The following CFAP61 variants were observed in gnomAD, a reference collection of about 807,000 sequenced individuals.
The protein encoded by CFAP61 is cilia and flagella associated protein 61, also known as cilia- and flagella-associated protein 61.
In CFAP61, 107 loss-of-function variants were observed where a neutral mutation model predicts 135.6. The ratio of observed to expected loss-of-function variants is 0.79; its 90% CI spans 0.67 to 0.93. The LOEUF is 0.93. CFAP61 is among the 40% of genes least tolerant of loss of function. The pLI is 0.00. For synonymous variants in CFAP61, 575 were observed against 578.5 expected (o/e 0.99, Z 0.09); for missense variants, 1,507 against 1,556.2 (o/e 0.97, Z 0.53).
chr20:20,211,396 A>AGTCT (rs1434890967), intron 17 of CFAP61, among the ~76,000 whole-genome samples: 3 of 152,246 alleles, frequency 2.0e-5, no homozygotes, highest in African/African-American at 7.2e-5. Flanking sequence ...CAAAACTTTT[A>AGTCT]GTCTGAATGT....
Position 20,071,059 on chromosome 20 carries a change from C to T in CFAP61, c.294+55C>T, listed in dbSNP as rs2045670444. ...ACACCCTGAATCTTGAGGGGAAGTC[C>T]TGTGTTTGTGATTATGTCTTTCCAA... On this transcript the variant is annotated intron_variant, in intron 3 of 26. Coordinates refer to ENST00000245957, the MANE Select transcript of CFAP61 (RefSeq NM_015585.4). 8 of 1,562,856 alleles carry T rather than the reference C, an allele frequency of 5.1e-6. No individual in the cohort carries two copies. The Admixed American group carries it at 8.6e-5, about 17-fold the overall frequency.
At chr20:20,096,068 G>T (rs1270294655) in intron 7 of CFAP61, among the ~76,000 whole-genome samples, 2 of 152,102 alleles carry the variant, frequency 1.3e-5, no homozygotes, top group Non-Finnish European at 2.9e-5. Context: ...GACACTTGTG[G>T]TGAAAAGTAC....
intron 8 of CFAP61, among the ~76,000 whole-genome samples, chr20:20,127,938 C>T (rs2050200313): frequency 6.6e-6 from 1 of 151,476 alleles, no homozygotes; most frequent in African/African-American, 2.4e-5. Context: ...ATGGCTGCCT[C>T]TGGTGAGTCA....
chr20:20,314,106 G>A (rs550599726), intron 25 of CFAP61, among the ~76,000 whole-genome samples: 15 of 151,764 alleles, frequency 9.9e-5, no homozygotes, highest in East Asian at 3.9e-4. Flanking sequence ...ACATGAGAGC[G>A]AGTGCAGTGG....
chr20:20,281,617 G>A (rs1238487117), intron 22 of CFAP61, among the ~76,000 whole-genome samples: 4 of 152,054 alleles, frequency 2.6e-5, no homozygotes, highest in Non-Finnish European at 4.4e-5. Context: ...GTCATAATGC[G>A]TTATCTTTCT....
intron 25 of CFAP61, among the ~76,000 whole-genome samples, chr20:20,328,975 C>T (rs146594432): frequency 6.6e-6 from 1 of 152,306 alleles, no homozygotes; most frequent in East Asian, 1.9e-4. Flanking sequence ...CCCTTGGGAC[C>T]TTACTCTTCC....
At chr20:20,166,781 A>G (rs539913653) in intron 12 of CFAP61, among the ~76,000 whole-genome samples, 1 of 152,284 alleles carries the variant, frequency 6.6e-6, no homozygotes, top group South Asian at 2.1e-4. Flanking sequence ...GTATTCTGAA[A>G]CCATCATATT....
chr20:20,132,185 G>A (rs1391446235), intron 8 of CFAP61, among the ~76,000 whole-genome samples: 2 of 151,896 alleles, frequency 1.3e-5, no homozygotes, highest in African/African-American at 4.8e-5. Context: ...TATTTGTTCT[G>A]TGCCTGGCTT....
At chr20:20,117,365 A>AAAATTAAATAAAT (rs1816531632) in intron 8 of CFAP61, among the ~76,000 whole-genome samples, 1 of 151,340 alleles carries the variant, frequency 6.6e-6, no homozygotes, top group East Asian at 2.0e-4. Context: ...TAATAAGTTA[A>AAAATTAAATAAAT]AAATAAATAA....
chr20:20,343,141 G>A (rs1345247260), intron 26 of CFAP61, among the ~76,000 whole-genome samples: 1 of 152,210 alleles, frequency 6.6e-6, no homozygotes, highest in Non-Finnish European at 1.5e-5. Context: ...ACAGGCGTGA[G>A]CCATCGCGCC....
Position 20,191,843 on chromosome 20 carries a change from C to A in CFAP61, c.1590+424C>A, listed in dbSNP as rs922088363. Among the ~76,000 whole-genome samples the A allele has an allele frequency of 1.3e-4, 20 of 151,990 alleles. No homozygotes were observed. The East Asian group carries it at 2.1e-3, about 16-fold the overall frequency. ...ATTTTATTTTTTCCCAGTGCACAGCCAGCTATTTCAAAGCATTTATTACTG... is the reference window on the plus strand; with the variant it reads ...ATTTTATTTTTTCCCAGTGCACAGCAAGCTATTTCAAAGCATTTATTACTG... On this transcript the variant is annotated intron_variant, in intron 15 of 26. Transcript: ENST00000245957.
At chr20:20,352,032 C>A (rs1273357170) in intron 26 of CFAP61, among the ~76,000 whole-genome samples, 1 of 152,040 alleles carries the variant, frequency 6.6e-6, no homozygotes, top group African/African-American at 2.4e-5. Flanking sequence ...TGTATTAGTC[C>A]ATTTTCGCAC....
intron 26 of CFAP61, among the ~76,000 whole-genome samples, chr20:20,358,385 AC>A (rs1431671980): frequency 1.3e-5 from 2 of 152,220 alleles, no homozygotes; most frequent in African/African-American, 4.8e-5. Flanking sequence ...CCTGAAATAA[AC>A]TTTAAAAGTG....
chr20:20,323,644 A>T (rs1230559855), intron 25 of CFAP61, among the ~76,000 whole-genome samples: 1 of 152,180 alleles, frequency 6.6e-6, no homozygotes, highest in Non-Finnish European at 1.5e-5. Flanking sequence ...CCATGTAAAA[A>T]CCTAAACTGC....
chr20:20,290,482 A>T, intron 24 of CFAP61, 91 bp downstream of exon 24: 1 of 862,200 alleles, frequency 1.2e-6, no homozygotes, highest in Admixed American at 2.0e-5. Context: ...CTTTACTGTA[A>T]TGTGTTGGTT....
chr20:20,280,947 G>T (rs985404206), intron 22 of CFAP61, among the ~76,000 whole-genome samples: 2 of 151,968 alleles, frequency 1.3e-5, no homozygotes, highest in African/African-American at 4.8e-5. Flanking sequence ...TTTTTAATTT[G>T]TGCTTTCCTG....
intron 22 of CFAP61, 108 bp from the exon 23 acceptor site, chr20:20,288,501 T>A (rs1409372502): frequency 2.4e-6 from 2 of 816,444 alleles, no homozygotes; most frequent in Non-Finnish European, 4.0e-6. Context: ...TTTTAGTATG[T>A]GTATTTTTGT....
rs189276428 is a variant in CFAP61, at chr20:20,348,876, T to C, written c.3513+6955T>C. Among the ~76,000 whole-genome samples, 464 of 150,744 alleles carry C rather than the reference T, an allele frequency of 3.1e-3. 12 individuals are homozygous for C. Among genetic ancestry groups the C allele is most frequent in the Admixed American group, 0.028 (423 of 15,168 alleles). ...AGGATGTTTATGAAAAACCCACAGA[T>C]AACATTACACTCAGTAATGAATTAC... On this transcript the variant is annotated intron_variant, in intron 26 of 26. Transcript: ENST00000245957.
At chr20:20,173,546 C>A (rs1281773634) in intron 13 of CFAP61, among the ~76,000 whole-genome samples, 1 of 152,114 alleles carries the variant, frequency 6.6e-6, no homozygotes, top group Non-Finnish European at 1.5e-5. Context: ...TGCTTATTTG[C>A]CAACTGTATA....
Sources: allele counts gnomAD v4.1 joint callset (sites outside exome capture counted in the v4.1 genomes callset), GRCh38; gene constraint gnomAD v4.1.1; transcripts MANE v1.5; gene names NCBI Gene and HGNC (gene_info 2026-07-23, HGNC 2026-07-21).